SYT16: variants seen among roughly 807,000 people sequenced by gnomAD.
SYT16 encodes the protein synaptotagmin-16.
Under a neutral mutation model 61.4 loss-of-function variants are expected in SYT16, and 42 were observed. The ratio of observed to expected loss-of-function variants is 0.68; its 90% CI spans 0.53 to 0.89. SYT16 has a LOEUF of 0.89. SYT16 is among the 40% of genes least tolerant of loss of function. The pLI, the probability that SYT16 is intolerant of heterozygous loss-of-function variation, is 0.00. For missense variants in SYT16, 804 were observed against 807.3 expected, an observed-to-expected ratio of 1.00 and a Z score of 0.05; for synonymous variants, 314 against 302.3, an observed-to-expected ratio of 1.04 and a Z score of -0.40.
At chr14:61,908,820 C>T (rs2048819412) in intron 1 of SYT16, among the ~76,000 whole-genome samples, 1 of 151,660 alleles carries the variant, frequency 6.6e-6, no homozygotes, top group East Asian at 1.9e-4. Context: ...TTTCTTTCTT[C>T]CTTTCTTTCC....
intron 1 of SYT16, among the ~76,000 whole-genome samples, chr14:61,903,424 T>C (rs2048592110): frequency 6.6e-6 from 1 of 152,222 alleles, no homozygotes. Flanking sequence ...ATTAAATGTA[T>C]GTTAAATGTC....
At chr14:62,002,216 A>G (rs2053046325) in intron 3 of SYT16, among the ~76,000 whole-genome samples, 1 of 152,124 alleles carries the variant, frequency 6.6e-6, no homozygotes, top group African/African-American at 2.4e-5. Flanking sequence ...TTTCTAATGC[A>G]GGATGTTTAG....
Position 61,912,923 on chromosome 14 carries a change from A to G in SYT16, c.-324-57209A>G, listed in dbSNP as rs574690893. Among the ~76,000 whole-genome samples, 3 of 152,352 alleles carry G rather than the reference A, an allele frequency of 2.0e-5. No homozygotes were observed. In the South Asian group the frequency reaches 6.2e-4, roughly 32 times the overall value. ...GGATGTGGTAGGCATTCAAGAATGAATGAATGAATAAAGATAAAAAGTGGG... is the reference window on the plus strand; with the variant it reads ...GGATGTGGTAGGCATTCAAGAATGAGTGAATGAATAAAGATAAAAAGTGGG... On this transcript the variant is annotated intron_variant, in intron 1 of 7. Transcript: ENST00000683842.
chr14:61,824,818 A>T (rs1430746064), intron 1 of SYT16, among the ~76,000 whole-genome samples: 1 of 152,170 alleles, frequency 6.6e-6, no homozygotes, highest in African/African-American at 2.4e-5. Flanking sequence ...AACTACTTTC[A>T]TAATAATAAG....
intron 1 of SYT16, among the ~76,000 whole-genome samples, chr14:61,816,759 C>T (rs1377481638): frequency 2.0e-5 from 3 of 152,138 alleles, no homozygotes; most frequent in African/African-American, 7.2e-5. Context: ...CGCCTGTAAT[C>T]CCAGCACTTT....
intron 4 of SYT16, 58 bp downstream of exon 4, chr14:62,069,873 T>C: frequency 1.3e-6 from 2 of 1,544,896 alleles, no homozygotes; most frequent in Non-Finnish European, 1.8e-6. Context: ...TAAGAGTGCA[T>C]CCGAATTATT....
At position 61,923,145 on chromosome 14, in the gene SYT16, G is replaced by A. The variant is rs2049404668; in HGVS notation, c.-324-46987G>A. 2.0e-5 allele frequency among the ~76,000 whole-genome samples: 3 copies of A among 151,624 alleles called. No individual in the cohort carries two copies. The South Asian group carries it at 6.2e-4, about 31-fold the overall frequency. ...AGAGAATGGCTCTTATAAATATTAT[G>A]TAGAAAATTATTAGGGCAACAAAAG... On this transcript the variant is annotated intron_variant, in intron 1 of 7. Coordinates refer to ENST00000683842, the MANE Select transcript of SYT16 (RefSeq NM_001367656.1).
chr14:61,898,535 A>G (rs1766482827), intron 1 of SYT16, among the ~76,000 whole-genome samples: 1 of 152,220 alleles, frequency 6.6e-6, no homozygotes, highest in African/African-American at 2.4e-5. Context: ...GGGCCATGAT[A>G]GTACTGCTGG....
At chr14:62,038,641 C>T (rs2054599602) in intron 3 of SYT16, among the ~76,000 whole-genome samples, 1 of 152,118 alleles carries the variant, frequency 6.6e-6, no homozygotes, top group Admixed American at 6.6e-5. Context: ...AGGCCCAGCT[C>T]TCTGTCTGGC....
chr14:62,069,342 T>G (rs1280881466), intron 3 of SYT16, among the ~76,000 whole-genome samples: 4 of 152,214 alleles, frequency 2.6e-5, no homozygotes, highest in Admixed American at 2.6e-4. Context: ...TGAGGGTTCA[T>G]TATGATGATT....
chr14:61,948,978 G>C (rs753750337), intron 1 of SYT16, among the ~76,000 whole-genome samples: 2 of 152,204 alleles, frequency 1.3e-5, no homozygotes, highest in Non-Finnish European at 2.9e-5. Context: ...ATCTGAGTGA[G>C]AGAGACCTTA....
chr14:61,948,486 G>A (rs952351547), intron 1 of SYT16, among the ~76,000 whole-genome samples: 4 of 152,090 alleles, frequency 2.6e-5, no homozygotes, highest in Non-Finnish European at 4.4e-5. Context: ...CGGCAGTCGG[G>A]CCTCAGAATG....
intron 1 of SYT16, among the ~76,000 whole-genome samples, chr14:61,907,458 G>A (rs2048766353): frequency 6.6e-6 from 1 of 152,174 alleles, no homozygotes; most frequent in Non-Finnish European, 1.5e-5. Context: ...AGGCATTTGG[G>A]AGTGACTTGG....
At chr14:61,978,622 C>A (rs971888972) in intron 2 of SYT16, among the ~76,000 whole-genome samples, 3 of 152,112 alleles carry the variant, frequency 2.0e-5, no homozygotes, top group Non-Finnish European at 2.9e-5. Context: ...AGGTGGAGAA[C>A]CATTGATGAA....
intron 3 of SYT16, among the ~76,000 whole-genome samples, chr14:62,021,537 G>A (rs1024679750): frequency 2.0e-5 from 3 of 151,420 alleles, no homozygotes; most frequent in African/African-American, 7.3e-5. Flanking sequence ...CTTCAACTGT[G>A]CCCAAAAGCC....
At chr14:62,031,269 G>C (rs1371316652) in intron 3 of SYT16, among the ~76,000 whole-genome samples, 2 of 152,194 alleles carry the variant, frequency 1.3e-5, no homozygotes, top group African/African-American at 4.8e-5. Flanking sequence ...CAGAGAAAGA[G>C]ACTTGCCAAT....
chr14:61,973,260 C>T (rs910168122), intron 2 of SYT16, among the ~76,000 whole-genome samples: 3 of 152,076 alleles, frequency 2.0e-5, no homozygotes, highest in Admixed American at 2.0e-4. Context: ...TTACACATGC[C>T]ATTCTGTCTG....
In SYT16 at chr14:62,087,736, G is replaced by A. The variant is rs552237264; in HGVS notation, c.1624+3351G>A. The stretch of plus-strand genomic sequence containing the variant: ...ATATTTTTTAAACTTTTCCTCCTAA[G>A]TAAGACAGAGGAACTGAACAAACAG... On this transcript the variant is annotated intron_variant, in intron 7 of 7. Transcript: ENST00000683842. 5.9e-5 allele frequency among the ~76,000 whole-genome samples: 9 copies of A among 152,294 alleles called. No individual in the cohort carries two copies. The South Asian group carries it at 1.7e-3, about 28-fold the overall frequency.
intron 1 of SYT16, among the ~76,000 whole-genome samples, chr14:61,855,009 T>C (rs981998320): frequency 6.6e-6 from 1 of 152,180 alleles, no homozygotes; most frequent in Non-Finnish European, 1.5e-5. Context: ...CACTTGCTTG[T>C]ATAGGAAATG....
Sources: gnomAD v4.1 joint callset for allele counts (sites outside exome capture counted in the v4.1 genomes callset) on GRCh38, gnomAD v4.1.1 for gene constraint, MANE v1.5 for transcripts, NCBI Gene and HGNC (gene_info 2026-07-23, HGNC 2026-07-21) for gene names.